Variants in UBASH3A observed in about 807,000 individuals in gnomAD.
UBASH3A encodes ubiquitin associated and SH3 domain containing A.
In UBASH3A, 63 loss-of-function variants were observed where a neutral mutation model predicts 73.5. The observed-to-expected ratio is 0.86, with a 90% CI of 0.70 to 1.06. The LOEUF is 1.06. Among genes scored for constraint, UBASH3A ranks in the 50% least tolerant of loss-of-function variants. The pLI is 0.00. For missense variants in UBASH3A, 860 were observed against 859.0 expected (o/e 1.00, Z -0.02); for synonymous variants, 363 against 351.1 (o/e 1.03, Z -0.38).
Position 42,416,563 on chromosome 21 carries a change from G to A in UBASH3A, c.789G>A (p.Gln263=), listed in dbSNP as rs1212360935. 3 of 1,609,396 alleles carry A rather than the reference G, an allele frequency of 1.9e-6. No individual in the cohort carries two copies. Residue 263 remains glutamine, a synonymous_variant, in exon 6 of 15, where the codon CAG becomes CAA. Coordinates refer to ENST00000319294, the MANE Select transcript of UBASH3A (RefSeq NM_018961.4). The part of the protein sequence containing the change: ...ARAIPLGHSC[Q]WTAALYSRDM... ...CCATCCCCCTGGGCCACAGCTGCCAGTGGACCGCAGCACTCTACTCCCGAG... is the reference window on the plus strand; with the variant it reads ...CCATCCCCCTGGGCCACAGCTGCCAATGGACCGCAGCACTCTACTCCCGAG...
chr21:42,426,732 C>A lies in UBASH3A; in HGVS notation c.1082C>A (p.Ser361Tyr), dbSNP rs1180347372. The stretch of plus-strand genomic sequence containing the variant: ...TTCAGTCTAGCCACAGACCTGAACT[C>A]CAGAAAGGATGGTGAAGCCAGCAGC... ...YTFSLATDLNSRKDGEASSRC... is the reference protein window; with the variant it reads ...YTFSLATDLNYRKDGEASSRC... The change falls in exon 8 of 15, where the codon TCC becomes TAC. Residue 361 changes from serine (S) to tyrosine (Y), a missense_variant. By Grantham distance (144) the Ser-to-Tyr change is moderately radical. Coordinates refer to ENST00000319294, the MANE Select transcript of UBASH3A (RefSeq NM_018961.4). The A allele has an allele frequency of 1.2e-6, 2 of 1,613,982 alleles. No homozygotes were observed. The highest frequency in any genetic ancestry group is 8.5e-7 in the Non-Finnish European group (1 of 1,179,972).
intron 8 of UBASH3A, among the ~76,000 whole-genome samples, chr21:42,430,456 G>A (rs1247753258): frequency 3.3e-5 from 5 of 152,182 alleles, no homozygotes; most frequent in Non-Finnish European, 7.4e-5. Context: ...ACCCTGCTCA[G>A]TAGGAAAACA....
chr21:42,418,636 C>A, intron 7 of UBASH3A, 27 bp downstream of exon 7: 3 of 1,596,240 alleles, frequency 1.9e-6, no homozygotes, highest in East Asian at 2.3e-5. Context: ...GCTGCAGCCC[C>A]GTCATCTCTC....
At chr21:42,443,188 A>G in intron 12 of UBASH3A, 124 bp from the exon 13 acceptor site, 1 of 1,417,092 alleles carries the variant, frequency 7.1e-7, no homozygotes, top group Non-Finnish European at 9.2e-7. Context: ...CCTGTTGACC[A>G]TGAGCCTGCC....
At chr21:42,408,261 C>T (rs2053018993) in intron 2 of UBASH3A, among the ~76,000 whole-genome samples, 1 of 152,238 alleles carries the variant, frequency 6.6e-6, no homozygotes, top group Non-Finnish European at 1.5e-5. Flanking sequence ...ATATCACAGG[C>T]ACTTTGCTGA....
rs1568908535 is a variant in UBASH3A, at chr21:42,409,508, T to C, written c.254T>C (p.Leu85Pro). 1 of 1,614,164 alleles carries C rather than the reference T, an allele frequency of 6.2e-7. No homozygotes were observed. ...ALFLCPTGPL[L>P]EKLQEFWRES... ...TTCCTCTGTCCAACGGGGCCCCTGC[T>C]GGAAAAACTTCAAGAGTTCTGGAGA... is the stretch of plus-strand genomic sequence containing the variant. Residue 85 changes from leucine (L) to proline (P), a missense_variant, in exon 3 of 15, where the codon CTG becomes CCG. Transcript: ENST00000319294.
intron 14 of UBASH3A, among the ~76,000 whole-genome samples, chr21:42,446,099 C>T (rs1308515322): frequency 2.0e-5 from 3 of 152,232 alleles, no homozygotes; most frequent in Non-Finnish European, 2.9e-5. Context: ...ACACCAGCTG[C>T]TGACAGTTCC....
At chr21:42,429,951 G>A (rs1269319948) in intron 8 of UBASH3A, among the ~76,000 whole-genome samples, 1 of 152,040 alleles carries the variant, frequency 6.6e-6, no homozygotes, top group Non-Finnish European at 1.5e-5. Flanking sequence ...CCTACCAAAT[G>A]TAGCCAGGGC....
chr21:42,412,855 A>G (rs2053127675), intron 3 of UBASH3A, among the ~76,000 whole-genome samples, 169 bp from the exon 4 acceptor site: 1 of 152,244 alleles, frequency 6.6e-6, no homozygotes, highest in African/African-American at 2.4e-5. Flanking sequence ...AGGTCCAGGT[A>G]TAGAACAAAT....
At chr21:42,429,029 C>T (rs1056442754) in intron 8 of UBASH3A, among the ~76,000 whole-genome samples, 7 of 152,094 alleles carry the variant, frequency 4.6e-5, no homozygotes, top group Non-Finnish European at 5.9e-5. Context: ...TCCAGGAGGG[C>T]CCTAAACCCC....
At chr21:42,410,280 A>T (rs1371282889) in intron 3 of UBASH3A, 5 of 652,026 alleles carry the variant, frequency 7.7e-6, no homozygotes, top group Non-Finnish European at 1.4e-5. Flanking sequence ...CCACTGCTCT[A>T]CTCAGCTCCG....
At chr21:42,424,915 G>A (rs1207241123) in intron 7 of UBASH3A, among the ~76,000 whole-genome samples, 1 of 152,194 alleles carries the variant, frequency 6.6e-6, no homozygotes, top group Non-Finnish European at 1.5e-5. Flanking sequence ...GGGACAGCCT[G>A]TGAGGAAACG....
intron 10 of UBASH3A, 123 bp downstream of exon 10, chr21:42,435,077 T>C: frequency 7.8e-7 from 1 of 1,275,574 alleles, no homozygotes; most frequent in Non-Finnish European, 1.1e-6. Context: ...TTGTCTCCAG[T>C]CTGCTGAGGA....
chr21:42,442,863 T>C (rs753052640), intron 12 of UBASH3A, among the ~76,000 whole-genome samples: 3 of 152,126 alleles, frequency 2.0e-5, no homozygotes, highest in Non-Finnish European at 4.4e-5. Flanking sequence ...TGGAGACTCT[T>C]GCTGAAGGCA....
intron 2 of UBASH3A, 63 bp downstream of exon 2, chr21:42,406,424 T>A: frequency 7.2e-7 from 1 of 1,395,746 alleles, no homozygotes; most frequent in Non-Finnish European, 1.0e-6. Flanking sequence ...GCCTAAGGAC[T>A]CCCTCCCACC....
chr21:42,430,322 G>A (rs1008988321), intron 8 of UBASH3A, among the ~76,000 whole-genome samples: 4 of 152,194 alleles, frequency 2.6e-5, no homozygotes, highest in African/African-American at 9.7e-5. Flanking sequence ...CTCCCTGAGG[G>A]TGTTTGGATG....
Position 42,413,273 on chromosome 21 carries a change from A to G in UBASH3A, c.553+51A>G. The G allele has an allele frequency of 6.2e-7, 1 of 1,600,628 alleles. No individual in the cohort carries two copies. The highest frequency in any genetic ancestry group is 8.6e-7 in the Non-Finnish European group (1 of 1,168,302). On this transcript the variant is annotated intron_variant, in intron 4 of 14. Coordinates refer to ENST00000319294, the MANE Select transcript of UBASH3A (RefSeq NM_018961.4). This position sits in a 1 kb window ranked among gnomAD's most constrained non-coding sequence, Gnocchi z 4.5. ...CACAGGGCTGGATTCACAGTGAGTG[A>G]GCCCTCTGTGGCAGGGACTAGCCCC...
chr21:42,412,179 G>A (rs1230833456), intron 3 of UBASH3A, among the ~76,000 whole-genome samples: 1 of 152,190 alleles, frequency 6.6e-6, no homozygotes, highest in Non-Finnish European at 1.5e-5. Flanking sequence ...AGGCAACACC[G>A]AGCCCAGATG....
chr21:42,404,068 G>T lies in UBASH3A; in HGVS notation c.113+10G>T. ...TCCCGGTGCACACCGCGTGAGTACT[G>T]CCCAGAGACCCCGGGGCCCAGCCAG... On this transcript the variant is annotated intron_variant, in intron 1 of 14. Coordinates refer to ENST00000319294, the MANE Select transcript of UBASH3A (RefSeq NM_018961.4). 1.4e-6 allele frequency: 2 copies of T among 1,443,470 alleles called. No homozygotes were observed. The highest frequency in any genetic ancestry group is 5.5e-5 in the East Asian group (2 of 36,124). The allele number at this position is 1,443,470 out of a possible 1,614,324, so 89.4% of individuals were successfully genotyped here. A position where few individuals can be genotyped will look rare whatever the true frequency, so the allele number is the denominator to read the frequency against.
Sources: allele counts gnomAD v4.1 joint callset (sites outside exome capture counted in the v4.1 genomes callset), GRCh38; gene constraint gnomAD v4.1.1; non-coding constraint Gnocchi (gnomAD v3.1); transcripts MANE v1.5; gene names NCBI Gene and HGNC (gene_info 2026-07-23, HGNC 2026-07-21).